ENDOD1: variants seen among roughly 807,000 people sequenced by gnomAD.
The protein encoded by ENDOD1 is endonuclease domain containing 1, also known as endonuclease domain-containing 1 protein.
A neutral mutation model predicts 6.5 loss-of-function variants in ENDOD1; 9 were observed. The ratio of observed to expected loss-of-function variants is 1.39; its 90% confidence interval spans 0.84 to 2.43. ENDOD1 has a LOEUF of 2.43. Ranked by LOEUF, ENDOD1 falls within the 30% of genes most tolerant of loss-of-function variation. The pLI is 0.00. For synonymous variants in ENDOD1, 255 were observed against 255.2 expected (o/e 1.00, Z 0.01); for missense variants, 648 against 635.5 (o/e 1.02, Z -0.21).
chr11:95,091,516 C>G (rs1555109876), intron 1 of ENDOD1, among the ~76,000 whole-genome samples: 1 of 152,202 alleles, frequency 6.6e-6, no homozygotes, highest in Non-Finnish European at 1.5e-5. Context: ...TAGTTTTCCA[C>G]CAGCTGCACC....
At position 95,130,537 on chromosome 11, in the gene ENDOD1, A is replaced by G. The variant is rs1859361197; in HGVS notation, c.*958A>G. 1 of 152,188 alleles carries G rather than the reference A, an allele frequency of 6.6e-6. No individual in the cohort carries two copies. The highest frequency in any genetic ancestry group is 6.5e-5 in the Admixed American group (1 of 15,284). The allele number at this position is 152,188 out of a possible 1,614,324, so 9.4% of individuals were successfully genotyped here. A position where few individuals can be genotyped will look rare whatever the true frequency, so the allele number is the denominator to read the frequency against. On this transcript the variant is annotated 3_prime_UTR_variant, in exon 2 of 2. Coordinates refer to ENST00000278505, the MANE Select transcript of ENDOD1 (RefSeq NM_015036.3). ...CATGAAAATTCATATTCTGCAACAT[A>G]GTAGATTTTTCTAATGCATGAAATA...
chr11:95,114,318 A>G (rs541725496), intron 1 of ENDOD1, among the ~76,000 whole-genome samples: 1 of 147,826 alleles, frequency 6.8e-6, no homozygotes, highest in African/African-American at 2.7e-5. Flanking sequence ...TATGTCGCCC[A>G]GGCTGATTGC....
intron 1 of ENDOD1, among the ~76,000 whole-genome samples, chr11:95,095,320 C>T (rs2134161059): frequency 9.5e-6 from 1 of 105,370 alleles, no homozygotes; most frequent in East Asian, 3.0e-4. Flanking sequence ...CCTCTCTGTC[C>T]TGGAAAACCA....
At chr11:95,101,141 G>A (rs1323383082) in intron 1 of ENDOD1, among the ~76,000 whole-genome samples, 3 of 152,044 alleles carry the variant, frequency 2.0e-5, no homozygotes, top group African/African-American at 7.2e-5. Flanking sequence ...CGGGCTTTGT[G>A]GGCCATATTG....
At chr11:95,101,063 A>G (rs1859035729) in intron 1 of ENDOD1, among the ~76,000 whole-genome samples, 1 of 152,106 alleles carries the variant, frequency 6.6e-6, no homozygotes, top group South Asian at 2.1e-4. Flanking sequence ...GGTGCTCACC[A>G]TTGAGTCCTG....
intron 1 of ENDOD1, among the ~76,000 whole-genome samples, chr11:95,115,390 T>TG (rs200144004): frequency 0.033 from 4,944 of 148,684 alleles, 267 homozygotes; most frequent in African/African-American, 0.12. Context: ...AGGTTTTTTT[T>TG]TTTGTGTGTG....
At chr11:95,118,944 A>G (rs1213991571) in intron 1 of ENDOD1, among the ~76,000 whole-genome samples, 2 of 152,184 alleles carry the variant, frequency 1.3e-5, no homozygotes, top group Admixed American at 6.5e-5. Flanking sequence ...TTCTGCTATT[A>G]AAAAGACTCT....
chr11:95,113,710 G>T (rs975029750), intron 1 of ENDOD1, among the ~76,000 whole-genome samples: 1 of 152,182 alleles, frequency 6.6e-6, no homozygotes, highest in Non-Finnish European at 1.5e-5. Flanking sequence ...CAACAAACAC[G>T]GAAGTGCAGG....
At chr11:95,106,544 C>T (rs893778966) in intron 1 of ENDOD1, among the ~76,000 whole-genome samples, 1 of 152,068 alleles carries the variant, frequency 6.6e-6, no homozygotes, top group Non-Finnish European at 1.5e-5. Context: ...GTGAAATGTT[C>T]AAAGGAATAT....
intron 1 of ENDOD1, among the ~76,000 whole-genome samples, chr11:95,096,227 C>T (rs201621563): frequency 4.2e-3 from 209 of 49,948 alleles, no homozygotes; most frequent in South Asian, 6.7e-3. Flanking sequence ...GTCAAGAAAG[C>T]TTTTTTTTTT....
chr11:95,116,294 C>CCGCT (rs1555112490), intron 1 of ENDOD1, among the ~76,000 whole-genome samples: 1 of 152,074 alleles, frequency 6.6e-6, no homozygotes, highest in Non-Finnish European at 1.5e-5. Context: ...CTCATAGTAG[C>CCGCT]CACTCATAGT....
chr11:95,107,527 AT>A (rs1859101251), intron 1 of ENDOD1, among the ~76,000 whole-genome samples: 1 of 152,168 alleles, frequency 6.6e-6, no homozygotes, highest in African/African-American at 2.4e-5. Flanking sequence ...AATGCTAAGA[AT>A]AATTGCTCTG....
chr11:95,099,573 C>T (rs1859018123), intron 1 of ENDOD1, among the ~76,000 whole-genome samples: 1 of 152,230 alleles, frequency 6.6e-6, no homozygotes, highest in South Asian at 2.1e-4. Context: ...GGAAGGAAGA[C>T]CAGCAGAACA....
chr11:95,100,269 C>T (rs1555110706), intron 1 of ENDOD1, among the ~76,000 whole-genome samples: 1 of 152,110 alleles, frequency 6.6e-6, no homozygotes, highest in Non-Finnish European at 1.5e-5. Flanking sequence ...ACTGGTTAAC[C>T]CATTCCATCT....
chr11:95,100,038 T>G (rs1010832297), intron 1 of ENDOD1, among the ~76,000 whole-genome samples: 5 of 152,328 alleles, frequency 3.3e-5, no homozygotes, highest in African/African-American at 1.2e-4. Flanking sequence ...AAACTTTTAT[T>G]CTCATTCTTG....
chr11:95,115,130 A>AT (rs1278401403), intron 1 of ENDOD1, among the ~76,000 whole-genome samples: 2 of 151,840 alleles, frequency 1.3e-5, no homozygotes, highest in African/African-American at 4.8e-5. Context: ...AACACGGAAT[A>AT]TTTTTCCTCT....
At chr11:95,107,661 A>T (rs1373139612) in intron 1 of ENDOD1, among the ~76,000 whole-genome samples, 1 of 147,726 alleles carries the variant, frequency 6.8e-6, no homozygotes, top group African/African-American at 2.6e-5. Flanking sequence ...GAGTCCGCAC[A>T]CTTTTTTTTG....
chr11:95,125,711 G>A (rs531463097), intron 1 of ENDOD1, among the ~76,000 whole-genome samples: 3 of 149,394 alleles, frequency 2.0e-5, no homozygotes, highest in African/African-American at 7.4e-5. Flanking sequence ...TTTTGTCCTT[G>A]TGATAGTTTG....
At chr11:95,126,921 G>C (rs1859317681) in intron 1 of ENDOD1, among the ~76,000 whole-genome samples, 1 of 152,124 alleles carries the variant, frequency 6.6e-6, no homozygotes, top group South Asian at 2.1e-4. Flanking sequence ...CCTGAGTTTA[G>C]GTGATCCACC....
Sources: allele counts gnomAD v4.1 joint callset (sites outside exome capture counted in the v4.1 genomes callset), GRCh38; gene constraint gnomAD v4.1.1; transcripts MANE v1.5; gene names NCBI Gene and HGNC (gene_info 2026-07-23, HGNC 2026-07-21).